The following DCLK2 variants were observed in gnomAD, a reference collection of about 807,000 sequenced individuals.
The protein encoded by DCLK2 is doublecortin like kinase 2.
A neutral mutation model predicts 78.4 loss-of-function variants in DCLK2; 31 were observed. The observed-to-expected ratio is 0.40, with a 90% CI of 0.30 to 0.53. DCLK2 has a LOEUF of 0.53. DCLK2 is among the 20% of genes least tolerant of loss of function. DCLK2 has a pLI of 0.61. For synonymous variants in DCLK2, 407 were observed against 374.9 expected (o/e 1.09, Z -0.99); for missense variants, 872 against 973.7 (o/e 0.90, Z 1.39).
At chr4:150,181,904 G>A (rs1737557274) in intron 2 of DCLK2, among the ~76,000 whole-genome samples, 1 of 152,274 alleles carries the variant, frequency 6.6e-6, no homozygotes, top group African/African-American at 2.4e-5. Flanking sequence ...TGGGCCAAGG[G>A]TAAAGAAATG....
At chr4:150,169,156 C>T (rs1021133364) in intron 2 of DCLK2, among the ~76,000 whole-genome samples, 11 of 152,052 alleles carry the variant, frequency 7.2e-5, no homozygotes, top group Non-Finnish European at 1.6e-4. Flanking sequence ...TCATCTGACA[C>T]AAGTAGGACC....
intron 7 of DCLK2, 140 bp downstream of exon 7, chr4:150,221,925 G>C: frequency 2.0e-6 from 1 of 502,232 alleles, no homozygotes; most frequent in Non-Finnish European, 3.5e-6. Flanking sequence ...CATTTTCCCT[G>C]AGTCTGCCCT....
At position 150,256,364 on chromosome 4, in the gene DCLK2, CG is replaced by C. The variant is rs1744570853; in HGVS notation, c.*120del. 1.5e-6 allele frequency: 2 copies of C among 1,370,634 alleles called. No individual in the cohort carries two copies. Among genetic ancestry groups the C allele is most frequent in the Admixed American group, 5.8e-5 (2 of 34,476 alleles). 84.9% of individuals were successfully genotyped at this position (1,370,634 alleles called of 1,614,324 possible). On this transcript the variant is annotated 3_prime_UTR_variant, in exon 16 of 16. Transcript: ENST00000296550. ...TCTTCACCGCCTGCGCCTGAGTTCG[CG>C]GGTCCTCCGCAGGCCGCCTGGGAAC...
Position 150,253,134 on chromosome 4 carries a change from C to T in DCLK2, c.2074-2886C>T, listed in dbSNP as rs1280183653. ...CTCCTCATCCTCCTCATCCTCCTCA[C>T]GTCACTGTGTGTCCTGTCTTCGGAA... On this transcript the variant is annotated intron_variant, in intron 15 of 15. Coordinates refer to ENST00000296550, the MANE Select transcript of DCLK2 (RefSeq NM_001040260.4). 1.5e-4 allele frequency: 71 copies of T among 458,822 alleles called. 2 individuals carry two copies. Among genetic ancestry groups the T allele is most frequent in the South Asian group, 1.1e-3 (70 of 63,170 alleles). The allele number at this position is 458,822 out of a possible 1,614,324, so 28.4% of individuals were successfully genotyped here.
chr4:150,128,425 T>G (rs1484104652), intron 2 of DCLK2, among the ~76,000 whole-genome samples: 1 of 152,122 alleles, frequency 6.6e-6, no homozygotes, highest in Non-Finnish European at 1.5e-5. Flanking sequence ...ATGTAGCGCA[T>G]ACAATGCATT....
intron 1 of DCLK2, among the ~76,000 whole-genome samples, chr4:150,086,892 A>T (rs548715847): frequency 6.6e-6 from 1 of 152,182 alleles, no homozygotes; most frequent in Non-Finnish European, 1.5e-5. Context: ...CAGTGTCTAC[A>T]GGAGTTCTCT....
chr4:150,102,649 T>C lies in DCLK2; in HGVS notation c.593T>C (p.Leu198Ser). 1 of 1,614,142 alleles carries C rather than the reference T, an allele frequency of 6.2e-7. No homozygotes were observed. Among genetic ancestry groups the C allele is most frequent in the Non-Finnish European group, 8.5e-7 (1 of 1,180,010 alleles). ...KESKDFIKPK[L>S]VTVIRSGVKP... ...AGTAAAGATTTCATCAAACCCAAGT[T>C]AGTGACTGTGATTCGAAGTGGAGTG... Residue 198 changes from leucine to serine, a missense_variant, in exon 2 of 16, where the codon TTA (leucine) becomes TCA (serine). Leu to Ser is a moderately radical substitution (Grantham distance 145, BLOSUM62 -2). Coordinates refer to ENST00000296550, the MANE Select transcript of DCLK2 (RefSeq NM_001040260.4).
At chr4:150,237,864 G>A (rs1742624202) in intron 10 of DCLK2, among the ~76,000 whole-genome samples, 1 of 152,196 alleles carries the variant, frequency 6.6e-6, no homozygotes. Flanking sequence ...ATTACAATGA[G>A]TATAGACTAG....
chr4:150,246,454 C>A (rs569736852), intron 12 of DCLK2, among the ~76,000 whole-genome samples: 2 of 152,216 alleles, frequency 1.3e-5, no homozygotes. Flanking sequence ...CAGGACACCA[C>A]GCTTGCCCTT....
intron 5 of DCLK2, among the ~76,000 whole-genome samples, chr4:150,206,697 C>G (rs1030013385): frequency 6.6e-6 from 1 of 152,170 alleles, no homozygotes; most frequent in South Asian, 2.1e-4. Context: ...TTGTAAAACA[C>G]TGAATTTTAC....
chr4:150,206,180 TCA>T (rs1273920818), intron 5 of DCLK2, among the ~76,000 whole-genome samples: 1 of 152,216 alleles, frequency 6.6e-6, no homozygotes, highest in Admixed American at 6.5e-5. Context: ...CACACCTGCC[TCA>T]CACATGCATG....
chr4:150,202,984 CT>C (rs1422854749), intron 4 of DCLK2, among the ~76,000 whole-genome samples: 2 of 151,994 alleles, frequency 1.3e-5, no homozygotes, highest in African/African-American at 4.8e-5. Context: ...AAACTGAAAA[CT>C]TTTTTCAGTT....
intron 10 of DCLK2, among the ~76,000 whole-genome samples, chr4:150,234,335 G>C (rs1336464840): frequency 6.6e-6 from 1 of 152,210 alleles, no homozygotes; most frequent in African/African-American, 2.4e-5. Flanking sequence ...CTTTGGGATT[G>C]TAAGTACCAT....
intron 10 of DCLK2, 39 bp downstream of exon 10, chr4:150,232,867 C>G: frequency 6.3e-7 from 1 of 1,594,942 alleles, no homozygotes; most frequent in Non-Finnish European, 8.6e-7. Context: ...ATGAATGCCT[C>G]TCTTCCTTTA....
chr4:150,168,086 G>A lies in DCLK2; in HGVS notation c.757-25052G>A, dbSNP rs142104169. On this transcript the variant is annotated intron_variant, in intron 2 of 15. Coordinates refer to ENST00000296550, the MANE Select transcript of DCLK2 (RefSeq NM_001040260.4). ...AGGCCAGGTGCGGTGGCTCACGCCT[G>A]TAATCCCAGCACTTTGGGAGGCCAA... Among the ~76,000 whole-genome samples, 491 of 152,322 alleles carry A rather than the reference G, an allele frequency of 3.2e-3. 2 individuals are homozygous for A. Among genetic ancestry groups the A allele is most frequent in the African/African-American group, 0.011 (463 of 41,574 alleles).
Position 150,171,501 on chromosome 4 carries a change from T to C in DCLK2, c.757-21637T>C, listed in dbSNP as rs185355508. 6.2e-3 allele frequency among the ~76,000 whole-genome samples: 946 copies of C among 152,282 alleles called. 6 individuals are homozygous for C. Among genetic ancestry groups the C allele is most frequent in the Non-Finnish European group, 0.011 (734 of 68,016 alleles). On this transcript the variant is annotated intron_variant, in intron 2 of 15. Coordinates refer to ENST00000296550, the MANE Select transcript of DCLK2 (RefSeq NM_001040260.4). ...GTCTCAAAAAAAAAATTAATTTTAG[T>C]TGACTAAGTTCAATTAAAAGTTGGG...
intron 6 of DCLK2, 92 bp downstream of exon 6, chr4:150,220,870 T>A: frequency 9.6e-7 from 1 of 1,044,082 alleles, no homozygotes; most frequent in South Asian, 1.4e-5. Flanking sequence ...AATTACGATC[T>A]TCCTAAAGAG....
intron 10 of DCLK2, among the ~76,000 whole-genome samples, chr4:150,238,415 T>C (rs1421276114): frequency 2.0e-5 from 3 of 152,174 alleles, no homozygotes; most frequent in African/African-American, 7.2e-5. Context: ...TTTGGGTCCA[T>C]CTCTATTCCC....
At chr4:150,119,775 T>G (rs1430749399) in intron 2 of DCLK2, among the ~76,000 whole-genome samples, 1 of 152,164 alleles carries the variant, frequency 6.6e-6, no homozygotes, top group Non-Finnish European at 1.5e-5. Flanking sequence ...GAAGAAAATT[T>G]TTTTTAGTGA....
Sources: allele counts gnomAD v4.1 joint callset (sites outside exome capture counted in the v4.1 genomes callset), GRCh38; gene constraint gnomAD v4.1.1; transcripts MANE v1.5; gene names NCBI Gene and HGNC (gene_info 2026-07-23, HGNC 2026-07-21).